TRAF5: variants seen among roughly 807,000 people sequenced by gnomAD.
TRAF5 encodes the protein TNF receptor associated factor 5.
Under a neutral mutation model 64.5 loss-of-function variants are expected in TRAF5, and 48 were observed. That is an observed-to-expected ratio of 0.74 (90% CI 0.59 to 0.95). The LOEUF is 0.95. Among genes scored for constraint, TRAF5 ranks in the 40% least tolerant of loss-of-function variants. The probability of loss-of-function intolerance (pLI) is 0.00; values close to 1 mark genes in which losing one functional copy is unlikely to be tolerated. For synonymous variants in TRAF5, 206 were observed against 240.5 expected, an observed-to-expected ratio of 0.86 and a Z score of 1.33; for missense variants, 545 against 662.8, an observed-to-expected ratio of 0.82 and a Z score of 1.95.
chr1:211,342,935 G>C (rs1366083870), intron 1 of TRAF5, among the ~76,000 whole-genome samples: 1 of 152,164 alleles, frequency 6.6e-6, no homozygotes, highest in African/African-American at 2.4e-5. Context: ...TGGTTCTTCA[G>C]TGTTGCAGTA....
chr1:211,352,142 A>C (rs1276791587), intron 1 of TRAF5, among the ~76,000 whole-genome samples: 7 of 152,194 alleles, frequency 4.6e-5, no homozygotes, highest in Non-Finnish European at 8.8e-5. Flanking sequence ...TGGGCAATTT[A>C]TAAAAAAGAG....
intron 1 of TRAF5, 128 bp downstream of exon 1, chr1:211,327,017 TCCCCGA>T (rs1439074861): frequency 1.2e-6 from 1 of 802,822 alleles, no homozygotes; most frequent in East Asian, 1.3e-4. Context: ...GTCCGGCCGG[TCCCCGA>T]CCGGCGGGGA....
chr1:211,340,927 C>T (rs1702431960), intron 1 of TRAF5, among the ~76,000 whole-genome samples: 1 of 152,202 alleles, frequency 6.6e-6, no homozygotes, highest in African/African-American at 2.4e-5. Context: ...TTTGACTCTG[C>T]TGGACTTTGT....
rs1348766660 is a variant in TRAF5, at chr1:211,360,786, G to A, written c.621+7G>A. On this transcript the variant is annotated splice_region_variant and intron_variant, in intron 6 of 10. Transcript: ENST00000261464. Reference sequence around the variant, plus strand: ...GATTATTCTAAAAACTGAGGTAACTGCAAATAATCCTCTCTGTAGATTTTA... The same window carrying A: ...GATTATTCTAAAAACTGAGGTAACTACAAATAATCCTCTCTGTAGATTTTA... 1.2e-6 allele frequency: 2 copies of A among 1,607,336 alleles called. No homozygotes were observed. Among genetic ancestry groups the A allele is most frequent in the Admixed American group, 1.7e-5 (1 of 60,004 alleles).
At chr1:211,356,664 G>A (rs946397025) in intron 4 of TRAF5, 196 bp downstream of exon 4, 38 of 532,428 alleles carry the variant, frequency 7.1e-5, no homozygotes, top group South Asian at 2.5e-4. Context: ...GAAGAGGTTC[G>A]TCCTGTATGG....
chr1:211,327,037 C>A, intron 1 of TRAF5, 148 bp downstream of exon 1: 1 of 677,698 alleles, frequency 1.5e-6, no homozygotes, highest in Non-Finnish European at 1.8e-6. Flanking sequence ...GCGGGGAGGG[C>A]GCGAGGCGGC....
In TRAF5 at chr1:211,364,079, C is replaced by T. The variant is rs187210337; in HGVS notation, c.697-1297C>T. 3.3e-5 allele frequency among the ~76,000 whole-genome samples: 5 copies of T among 152,148 alleles called. No homozygotes were observed. The East Asian group carries it at 9.6e-4, about 29-fold the overall frequency. ...GAACCTTATTTAGGACAGCCTGTCA[C>T]CAAAGAAGCCAACCCTAACCCGAAT... On this transcript the variant is annotated intron_variant, in intron 7 of 10. Transcript: ENST00000261464.
At position 211,360,086 on chromosome 1, in the gene TRAF5, A is replaced by G; in HGVS notation, c.543+10A>G. ...AGTCATCAATCTACAGGTGAAAAAC[A>G]ACACATACAACAGTCATCTTTATGG... On this transcript the variant is annotated intron_variant, in intron 5 of 10. Coordinates refer to ENST00000261464, the MANE Select transcript of TRAF5 (RefSeq NM_001033910.3). The G allele has an allele frequency of 1.2e-6, 2 of 1,613,270 alleles. No homozygotes were observed. The highest frequency in any genetic ancestry group is 1.7e-6 in the Non-Finnish European group (2 of 1,179,436).
At chr1:211,355,352 CT>C (rs1702926350) in intron 3 of TRAF5, among the ~76,000 whole-genome samples, 1 of 151,660 alleles carries the variant, frequency 6.6e-6, no homozygotes, top group African/African-American at 2.4e-5. Context: ...TTTCTTTTTT[CT>C]TTTTTTGGTT....
intron 1 of TRAF5, among the ~76,000 whole-genome samples, chr1:211,328,797 T>C (rs1702085901): frequency 6.6e-6 from 1 of 152,220 alleles, no homozygotes; most frequent in Non-Finnish European, 1.5e-5. Flanking sequence ...GCAAAGCATT[T>C]TCTCTTTGTT....
intron 3 of TRAF5, among the ~76,000 whole-genome samples, chr1:211,355,385 T>C (rs1197937450): frequency 6.6e-6 from 1 of 152,204 alleles, no homozygotes; most frequent in Non-Finnish European, 1.5e-5. Context: ...TTTGGTGTTG[T>C]ATCTAAGAAA....
At chr1:211,334,173 C>T (rs1702232122) in intron 1 of TRAF5, among the ~76,000 whole-genome samples, 1 of 152,164 alleles carries the variant, frequency 6.6e-6, no homozygotes, top group African/African-American at 2.4e-5. Flanking sequence ...AAAGGACTGC[C>T]GAGGGGGAAT....
chr1:211,337,141 C>T (rs8179500), intron 1 of TRAF5, among the ~76,000 whole-genome samples: 1 of 152,350 alleles, frequency 6.6e-6, no homozygotes, highest in East Asian at 1.9e-4. Context: ...AAGACATGAA[C>T]AAGTAATATG....
In TRAF5 at chr1:211,351,127, C is replaced by T. The variant is rs190982936; in HGVS notation, c.-1-2112C>T. ...CTGCAATCTCTGCCTCCTGGGTTCA[C>T]GCCATTCTCCTGCCTCAGCCTCCCA... On this transcript the variant is annotated intron_variant, in intron 1 of 10. Transcript: ENST00000261464. Among the ~76,000 whole-genome samples, 27 of 147,594 alleles carry T rather than the reference C, an allele frequency of 1.8e-4. No homozygotes were observed. The East Asian group carries it at 4.1e-3, about 23-fold the overall frequency.
intron 8 of TRAF5, among the ~76,000 whole-genome samples, chr1:211,366,239 A>G (rs1467444738): frequency 2.6e-5 from 4 of 152,238 alleles, no homozygotes; most frequent in African/African-American, 7.2e-5. Context: ...CTGATTTTCT[A>G]TTAAAGTAGG....
intron 6 of TRAF5, 120 bp from the exon 7 acceptor site, chr1:211,360,968 G>C: frequency 9.2e-7 from 1 of 1,086,768 alleles, no homozygotes; most frequent in Non-Finnish European, 1.4e-6. Flanking sequence ...GCTCTTTCTT[G>C]CCAGGCCTCT....
chr1:211,326,754 C>CCCGCCCGCGCCCCT (rs1014777134), upstream of TRAF5: 11 of 985,148 alleles, frequency 1.1e-5, no homozygotes, highest in African/African-American at 1.8e-5. The surrounding 1 kb of genome is among the most constrained non-coding windows in gnomAD (Gnocchi z 5.0). Flanking sequence ...TTCCCCTGCG[C>CCCGCCCGCGCCCCT]CCGCCCGCGC....
intron 1 of TRAF5, among the ~76,000 whole-genome samples, chr1:211,347,000 C>T (rs560190601): frequency 1.3e-5 from 2 of 152,166 alleles, no homozygotes; most frequent in Non-Finnish European, 2.9e-5. Context: ...AGTAGGAGTA[C>T]CACACTGTAC....
At chr1:211,332,355 A>C (rs1702178718) in intron 1 of TRAF5, among the ~76,000 whole-genome samples, 1 of 152,208 alleles carries the variant, frequency 6.6e-6, no homozygotes, top group African/African-American at 2.4e-5. Flanking sequence ...GGTTGACCTG[A>C]TGCAAAGCCA....
Sources: gnomAD v4.1 joint callset for allele counts (sites outside exome capture counted in the v4.1 genomes callset) on GRCh38, gnomAD v4.1.1 for gene constraint, Gnocchi (gnomAD v3.1) non-coding constraint, MANE v1.5 for transcripts, NCBI Gene and HGNC (gene_info 2026-07-23, HGNC 2026-07-21) for gene names.